The following DLG2 variants were observed in gnomAD, a reference collection of about 807,000 sequenced individuals.
DLG2 encodes the protein discs large MAGUK scaffold protein 2, also known as disks large homolog 2.
In DLG2, 45 loss-of-function variants were observed where a neutral mutation model predicts 132.5. The observed-to-expected ratio is 0.34, with a 90% CI of 0.27 to 0.44. The LOEUF is 0.44. Among genes scored for constraint, DLG2 ranks in the 20% least tolerant of loss-of-function variants. The pLI is 1.00. For missense variants in DLG2, 1,045 were observed against 1,196.9 expected (o/e 0.87, Z 1.87); for synonymous variants, 424 against 419.6 (o/e 1.01, Z -0.13).
chr11:85,423,509 T>G (rs1450327315), intron 3 of DLG2, among the ~76,000 whole-genome samples: 2 of 152,164 alleles, frequency 1.3e-5, no homozygotes, highest in Non-Finnish European at 1.5e-5. Flanking sequence ...ATATGCCCTT[T>G]GTCTTCAGTT....
intron 6 of DLG2, among the ~76,000 whole-genome samples, chr11:84,842,299 G>A (rs944475960): frequency 4.6e-5 from 7 of 151,838 alleles, no homozygotes; most frequent in African/African-American, 1.7e-4. Context: ...CATTCTTATC[G>A]CCACTTTACA....
intron 3 of DLG2, among the ~76,000 whole-genome samples, chr11:85,534,362 G>C (rs1430027912): frequency 1.3e-5 from 2 of 151,586 alleles, no homozygotes; most frequent in African/African-American, 2.4e-5. Flanking sequence ...TTTAATTTTA[G>C]ATTTGGGGGT....
At chr11:84,226,604 T>C (rs1475613849) in intron 8 of DLG2, among the ~76,000 whole-genome samples, 1 of 152,248 alleles carries the variant, frequency 6.6e-6, no homozygotes, top group Non-Finnish European at 1.5e-5. Context: ...TCATACTATG[T>C]GCCCAGAAAG....
Position 84,932,533 on chromosome 11 carries a change from CTGG to C in DLG2, c.357+179125_357+179127del, listed in dbSNP as rs550720681. On this transcript the variant is annotated intron_variant, in intron 6 of 27. Transcript: ENST00000376104. ...CCTCACCCCCACCACACAACAGGCC[CTGG>C]TGTGTGTTGTTCCCGTCCCTGTGCC... is the stretch of plus-strand genomic sequence containing the variant. 2.4e-4 allele frequency among the ~76,000 whole-genome samples: 36 copies of C among 152,200 alleles called. 1 individual carries two copies. The South Asian group carries it at 6.4e-3, about 27-fold the overall frequency.
At chr11:85,612,310 T>C (rs937450769) in intron 2 of DLG2, among the ~76,000 whole-genome samples, 1 of 152,202 alleles carries the variant, frequency 6.6e-6, no homozygotes, top group African/African-American at 2.4e-5. Flanking sequence ...TCTTAACTAA[T>C]TATCATACGA....
At chr11:83,904,744 G>T (rs139576618) in intron 15 of DLG2, among the ~76,000 whole-genome samples, 1 of 151,524 alleles carries the variant, frequency 6.6e-6, no homozygotes, top group African/African-American at 2.4e-5. Flanking sequence ...CCTAATAAAA[G>T]ATTCAAGTTC....
chr11:84,203,243 G>C (rs907157518), intron 8 of DLG2, among the ~76,000 whole-genome samples: 5 of 152,090 alleles, frequency 3.3e-5, no homozygotes, highest in Non-Finnish European at 1.5e-5. Context: ...ACTGGATAAA[G>C]AAAATATGGT....
chr11:85,627,158 T>TA (rs2082078724), intron 1 of DLG2, 60 bp downstream of exon 1: 1 of 152,208 alleles, frequency 6.6e-6, no homozygotes, highest in African/African-American at 2.4e-5. Context: ...CAGTTTTCTG[T>TA]GGCAGAACAC....
intron 15 of DLG2, among the ~76,000 whole-genome samples, chr11:83,913,756 A>T (rs1316340388): frequency 1.3e-5 from 2 of 152,184 alleles, no homozygotes. Flanking sequence ...AGCATAAGCA[A>T]GGACCTCAAA....
At chr11:83,643,948 T>C (rs1000346684) in intron 18 of DLG2, among the ~76,000 whole-genome samples, 1 of 152,088 alleles carries the variant, frequency 6.6e-6, no homozygotes, top group African/African-American at 2.4e-5. Context: ...ACTTGTTTGG[T>C]TACCCTAAGT....
intron 3 of DLG2, among the ~76,000 whole-genome samples, chr11:85,345,529 A>G (rs1017526548): frequency 2.6e-5 from 4 of 152,150 alleles, no homozygotes; most frequent in African/African-American, 7.2e-5. Flanking sequence ...AGGAATTTGC[A>G]TGATATCACA....
At chr11:83,649,608 C>G (rs890535969) in intron 18 of DLG2, among the ~76,000 whole-genome samples, 1 of 152,174 alleles carries the variant, frequency 6.6e-6, no homozygotes. Flanking sequence ...TCTCTCATAT[C>G]TAATTCCCTT....
At chr11:85,208,716 A>G (rs957129730) in intron 4 of DLG2, among the ~76,000 whole-genome samples, 8 of 152,268 alleles carry the variant, frequency 5.3e-5, no homozygotes, top group South Asian at 2.1e-4. Context: ...TTAACATTAT[A>G]TGATGATTTG....
chr11:84,978,141 C>T (rs1402935694), intron 6 of DLG2, among the ~76,000 whole-genome samples: 2 of 152,012 alleles, frequency 1.3e-5, no homozygotes, highest in Non-Finnish European at 1.5e-5. Flanking sequence ...TGCCTACTTC[C>T]TAAAGGACTT....
chr11:85,081,222 T>C (rs567159020), intron 6 of DLG2, among the ~76,000 whole-genome samples: 2 of 152,320 alleles, frequency 1.3e-5, no homozygotes, highest in South Asian at 2.1e-4. Context: ...AAAAGAGCAA[T>C]TGAGTTAATC....
chr11:85,064,029 C>G (rs1249433444), intron 6 of DLG2, among the ~76,000 whole-genome samples: 1 of 151,744 alleles, frequency 6.6e-6, no homozygotes, highest in Non-Finnish European at 1.5e-5. Flanking sequence ...ACAAGGCAAG[C>G]AGTTATTAAA....
intron 18 of DLG2, among the ~76,000 whole-genome samples, chr11:83,695,381 T>C (rs921012426): frequency 6.6e-6 from 1 of 152,186 alleles, no homozygotes; most frequent in Non-Finnish European, 1.5e-5. Context: ...ATGAGGTGCT[T>C]AGCGATCACC....
At chr11:84,729,460 C>T (rs1306616084) in intron 6 of DLG2, among the ~76,000 whole-genome samples, 3 of 152,014 alleles carry the variant, frequency 2.0e-5, no homozygotes, top group East Asian at 1.9e-4. Flanking sequence ...TTATGATTTC[C>T]GTTCTTTTGC....
At chr11:85,365,397 C>T (rs1179648024) in intron 3 of DLG2, among the ~76,000 whole-genome samples, 2 of 152,114 alleles carry the variant, frequency 1.3e-5, no homozygotes, top group African/African-American at 2.4e-5. Flanking sequence ...TAGGAAAGGG[C>T]TGGGAACTGC....
Sources: gnomAD v4.1 joint callset for allele counts (sites outside exome capture counted in the v4.1 genomes callset) on GRCh38, gnomAD v4.1.1 for gene constraint, MANE v1.5 for transcripts, NCBI Gene and HGNC (gene_info 2026-07-23, HGNC 2026-07-21) for gene names.